The following ACYP1 variants were observed in gnomAD, a reference collection of about 807,000 sequenced individuals.
The protein encoded by ACYP1 is acylphosphatase 1.
A neutral mutation model predicts 10.4 loss-of-function variants in ACYP1; 8 were observed. The ratio of observed to expected loss-of-function variants is 0.77; its 90% CI spans 0.45 to 1.38. ACYP1 has a LOEUF of 1.38. Ranked by LOEUF, ACYP1 falls within the 40% of genes most tolerant of loss-of-function variation. The pLI, the probability that ACYP1 is intolerant of heterozygous loss-of-function variation, is 0.00. For synonymous variants in ACYP1, 38 were observed against 40.8 expected (o/e 0.93, Z 0.26); for missense variants, 93 against 117.3 (o/e 0.79, Z 0.96).
chr14:75,057,347 A>G (rs1892901003), intron 2 of ACYP1, among the ~76,000 whole-genome samples: 1 of 151,604 alleles, frequency 6.6e-6, no homozygotes, highest in Admixed American at 6.6e-5. Flanking sequence ...AAGAAATTAA[A>G]GAGTATCTAA....
At chr14:75,065,411 G>A (rs1594797828), upstream of ACYP1, among the ~76,000 whole-genome samples, 1 of 152,146 alleles carries the variant, frequency 6.6e-6, no homozygotes, top group African/African-American at 2.4e-5. Flanking sequence ...GCTGAGAGGT[G>A]GGGGGTTGGT....
intron 2 of ACYP1, chr14:75,061,751 AAC>A: frequency 6.3e-7 from 1 of 1,584,580 alleles, no homozygotes; most frequent in Non-Finnish European, 8.6e-7. Context: ...TTCTGTTTTC[AAC>A]AGTCATTTCC....
At chr14:75,063,425 T>C (rs778907108) in intron 2 of ACYP1, 45 bp downstream of exon 2, 6 of 1,521,132 alleles carry the variant, frequency 3.9e-6, no homozygotes, top group Non-Finnish European at 4.6e-6. Flanking sequence ...CTTGTTCCTA[T>C]GCCCACAACC....
chr14:75,067,182 T>TACACACACAC (rs60274425), upstream of ACYP1, among the ~76,000 whole-genome samples: 3 of 147,252 alleles, frequency 2.0e-5, no homozygotes, highest in Non-Finnish European at 4.5e-5. Context: ...TGTCTGGAAC[T>TACACACACAC]ACACACACAC....
chr14:75,058,156 C>A (rs1175645682), intron 2 of ACYP1, among the ~76,000 whole-genome samples: 1 of 149,984 alleles, frequency 6.7e-6, no homozygotes, highest in African/African-American at 2.5e-5. Flanking sequence ...CTCTTTTTAA[C>A]AACCAGTTCT....
chr14:75,059,683 C>G (rs1320135323), intron 2 of ACYP1, among the ~76,000 whole-genome samples: 3 of 152,096 alleles, frequency 2.0e-5, no homozygotes, highest in Non-Finnish European at 4.4e-5. Context: ...TGCCAATAAG[C>G]ACATGAAAAG....
chr14:75,061,936 T>C (rs998652830), intron 2 of ACYP1, among the ~76,000 whole-genome samples: 2 of 151,872 alleles, frequency 1.3e-5, no homozygotes, highest in Non-Finnish European at 2.9e-5. Flanking sequence ...ACCCTGTCTC[T>C]ACTAAAAATA....
exon 1 of ACYP1, chr14:75,069,391 A>T: frequency 1.0e-6 from 1 of 977,046 alleles, no homozygotes; most frequent in African/African-American, 1.7e-5. Flanking sequence ...GAAAAGTACA[A>T]GTTCTTCTTT....
upstream of ACYP1, among the ~76,000 whole-genome samples, chr14:75,065,129 G>T (rs1566621742): frequency 2.0e-5 from 3 of 152,208 alleles, no homozygotes; most frequent in African/African-American, 7.2e-5. Flanking sequence ...GGATGAAGAT[G>T]GTTAAAATTA....
chr14:75,069,408 G>C, exon 1 of ACYP1: 1 of 846,326 alleles, frequency 1.2e-6, no homozygotes, highest in South Asian at 2.0e-5. Flanking sequence ...CTTTGAAGGA[G>C]CTCCAGAAAA....
At chr14:75,056,517 C>G (rs1892881132) in intron 2 of ACYP1, among the ~76,000 whole-genome samples, 1 of 150,722 alleles carries the variant, frequency 6.6e-6, no homozygotes, top group South Asian at 2.1e-4. Flanking sequence ...CCTTAACCTC[C>G]CAGGCTCAAA....
At chr14:75,064,078 GC>G, upstream of ACYP1, 1 of 973,080 alleles carries the variant, frequency 1.0e-6, no homozygotes, top group Non-Finnish European at 1.2e-6. Context: ...TGTCGCTCAT[GC>G]CCATCACCTC....
chr14:75,057,841 T>G (rs1163111403), intron 2 of ACYP1, among the ~76,000 whole-genome samples: 1 of 149,794 alleles, frequency 6.7e-6, no homozygotes, highest in African/African-American at 2.5e-5. Context: ...GGTGGGTGCC[T>G]GTAATCCCAG....
Position 75,053,587 on chromosome 14 carries a change from G to C in ACYP1, c.157C>G (p.Gln53Glu), listed in dbSNP as rs1892800652. ...TDRGTVQGQL[Q>E]GPISKVRHMQ... ...TGACGCACCTTGGAGATGGGACCTT[G>C]CAATTGTCCTTGCACTGTGCCCCGG... is the stretch of plus-strand genomic sequence containing the variant. Residue 53 changes from glutamine (Q) to glutamate (E), a missense_variant, in exon 3 of 3, where the codon CAA (glutamine) becomes GAA (glutamate). Coordinates refer to ENST00000238618, the MANE Select transcript of ACYP1 (RefSeq NM_001107.5). The C allele has an allele frequency of 4.3e-6, 7 of 1,614,132 alleles. No individual in the cohort carries two copies. Among genetic ancestry groups the C allele is most frequent in the African/African-American group, 1.3e-5 (1 of 74,998 alleles).
At chr14:75,058,916 G>A (rs748372921) in intron 2 of ACYP1, among the ~76,000 whole-genome samples, 3 of 152,074 alleles carry the variant, frequency 2.0e-5, no homozygotes, top group Non-Finnish European at 4.4e-5. Context: ...GAAAACATAG[G>A]CGGCTGGGCG....
At chr14:75,063,858 A>G in intron 1 of ACYP1, 96 bp downstream of exon 1, 1 of 911,556 alleles carries the variant, frequency 1.1e-6, no homozygotes. Context: ...CCTCACTACC[A>G]GAATTCCCTG....
At position 75,063,554 on chromosome 14, in the gene ACYP1, G is replaced by A; in HGVS notation, c.-1C>T. 1 of 1,612,928 alleles carries A rather than the reference G, an allele frequency of 6.2e-7. No homozygotes were observed. Among genetic ancestry groups the A allele is most frequent in the Middle Eastern group, 1.7e-4 (1 of 6,060 alleles). ...ATATCAGGGTGTTTCCTTCTGCCAT[G>A]CTCAAACCTGTCAGAAACCAGGAAA... On this transcript the variant is annotated 5_prime_UTR_variant, in exon 2 of 3. Coordinates refer to ENST00000238618, the MANE Select transcript of ACYP1 (RefSeq NM_001107.5).
upstream of ACYP1, among the ~76,000 whole-genome samples, chr14:75,068,312 ACAAC>A (rs1594799410): frequency 3.3e-5 from 5 of 152,234 alleles, no homozygotes; most frequent in South Asian, 4.1e-4. Flanking sequence ...CAAAAAACAA[ACAAC>A]TTTAAAAAAC....
intron 2 of ACYP1, among the ~76,000 whole-genome samples, chr14:75,061,430 C>T (rs968538742): frequency 2.0e-5 from 3 of 152,070 alleles, no homozygotes; most frequent in Non-Finnish European, 4.4e-5. Flanking sequence ...TTCAAATGAA[C>T]ATATATATTT....
Sources: allele counts gnomAD v4.1 joint callset (sites outside exome capture counted in the v4.1 genomes callset), GRCh38; gene constraint gnomAD v4.1.1; transcripts MANE v1.5; gene names NCBI Gene and HGNC (gene_info 2026-07-23, HGNC 2026-07-21).